ADCY2: variants seen among roughly 807,000 people sequenced by gnomAD.
ADCY2 encodes the protein adenylate cyclase type 2.
Under a neutral mutation model 125.2 loss-of-function variants are expected in ADCY2, and 31 were observed. The ratio of observed to expected loss-of-function variants is 0.25; its 90% CI spans 0.19 to 0.33. The LOEUF (loss-of-function observed/expected upper bound fraction) is 0.33. ADCY2 is among the 10% of genes least tolerant of loss of function. ADCY2 has a pLI of 1.00. For synonymous variants in ADCY2, 512 were observed against 548.4 expected (o/e 0.93, Z 0.93); for missense variants, 904 against 1,418.2 (o/e 0.64, Z 5.82).
chr5:7,673,269 A>AAATATATAT (rs1554030659), intron 4 of ADCY2, among the ~76,000 whole-genome samples: 1 of 3,932 alleles, frequency 2.5e-4, no homozygotes, highest in African/African-American at 6.4e-4. Flanking sequence ...AAAAAAAAAA[A>AAATATATAT]ATATATATAT....
intron 2 of ADCY2, among the ~76,000 whole-genome samples, chr5:7,518,410 G>A (rs752094528): frequency 3.3e-5 from 5 of 152,080 alleles, no homozygotes; most frequent in Non-Finnish European, 7.3e-5. Flanking sequence ...ATACATAAAC[G>A]GTCTAAGACA....
intron 2 of ADCY2, among the ~76,000 whole-genome samples, chr5:7,479,634 T>A (rs200089775): frequency 0.096 from 2,879 of 30,092 alleles, 96 homozygotes; most frequent in African/African-American, 0.31. Flanking sequence ...ACAATTAAAA[T>A]TTTTTTTTTT....
intron 22 of ADCY2, among the ~76,000 whole-genome samples, chr5:7,812,035 T>A (rs1744960326): frequency 6.6e-6 from 1 of 151,954 alleles, no homozygotes; most frequent in Non-Finnish European, 1.5e-5. Context: ...CTGTGTGAGG[T>A]GGGCACAGAG....
At chr5:7,416,294 T>C (rs1170925856) in intron 2 of ADCY2, among the ~76,000 whole-genome samples, 1 of 152,152 alleles carries the variant, frequency 6.6e-6, no homozygotes. Context: ...GAGGACACTG[T>C]CATAGTGGAC....
chr5:7,814,414 C>G (rs1745041260), intron 22 of ADCY2, among the ~76,000 whole-genome samples: 1 of 152,044 alleles, frequency 6.6e-6, no homozygotes. Context: ...AAGGATGCCC[C>G]TGCCGTCCAG....
At chr5:7,775,794 A>G (rs369147845) in intron 18 of ADCY2, among the ~76,000 whole-genome samples, 1 of 152,206 alleles carries the variant, frequency 6.6e-6, no homozygotes, top group Non-Finnish European at 1.5e-5. Flanking sequence ...CCTAATTTTC[A>G]TCAGAAGTTC....
At chr5:7,727,057 CA>C (rs1199893372) in intron 13 of ADCY2, 106 bp from the exon 14 acceptor site, 4 of 789,528 alleles carry the variant, frequency 5.1e-6, no homozygotes, top group Admixed American at 5.3e-5. Context: ...GCAATCTGCA[CA>C]ATTTCTGAGT....
intron 12 of ADCY2, among the ~76,000 whole-genome samples, chr5:7,722,127 G>A (rs1050187236): frequency 8.5e-5 from 13 of 152,186 alleles, no homozygotes; most frequent in Non-Finnish European, 2.9e-5. Context: ...GGAGGCAAGT[G>A]TGTCCACTGG....
intron 4 of ADCY2, among the ~76,000 whole-genome samples, chr5:7,681,240 A>G (rs1000385212): frequency 1.3e-5 from 2 of 152,174 alleles, no homozygotes; most frequent in African/African-American, 4.8e-5. Flanking sequence ...TTCACTTATT[A>G]TTCTTTCCTG....
intron 3 of ADCY2, chr5:7,611,029 T>C (rs544968455): frequency 1.3e-5 from 2 of 152,334 alleles, no homozygotes; most frequent in South Asian, 4.1e-4. Context: ...GTGTGAAAAC[T>C]ATTCCTTGTA....
At chr5:7,520,249 T>G (rs1355342591) in intron 2 of ADCY2, among the ~76,000 whole-genome samples, 1 of 152,138 alleles carries the variant, frequency 6.6e-6, no homozygotes, top group Non-Finnish European at 1.5e-5. Flanking sequence ...CCACAGGCTG[T>G]TTTATTTTGT....
intron 2 of ADCY2, among the ~76,000 whole-genome samples, chr5:7,420,208 C>T (rs1740140397): frequency 6.6e-6 from 1 of 152,118 alleles, no homozygotes; most frequent in African/African-American, 2.4e-5. Context: ...TTATGCAGCC[C>T]AGTTCCGAGC....
rs57224712 is a variant in ADCY2 at position 7,792,217 on chromosome 5, CAAAAAAAAAAAAAA to C, written c.2628+2432_2628+2445del. Among the ~76,000 whole-genome samples the C allele has an allele frequency of 6.9e-3, 682 of 99,478 alleles. 9 individuals are homozygous for C. The highest frequency in any genetic ancestry group is 0.028 in the African/African-American group (662 of 23,246). The allele number at this position is 99,478 out of a possible 152,430, so 65.3% of individuals were successfully genotyped here. A position where few individuals can be genotyped will look rare whatever the true frequency, so the allele number is the denominator to read the frequency against. On this transcript the variant is annotated intron_variant, in intron 20 of 24. Coordinates refer to ENST00000338316, the MANE Select transcript of ADCY2 (RefSeq NM_020546.3). ...AGAAACCCCGTCTCTACTAAAAATA[CAAAAAAAAAAAAAA>C]AAAAAAAAAAAAAATTAGCTGGGCA...
chr5:7,470,440 T>C (rs990828009), intron 2 of ADCY2, among the ~76,000 whole-genome samples: 1 of 150,904 alleles, frequency 6.6e-6, no homozygotes, highest in African/African-American at 2.4e-5. Flanking sequence ...TCATGGATTG[T>C]AGTGAAAGCA....
At chr5:7,633,481 A>T (rs1431768579) in intron 4 of ADCY2, among the ~76,000 whole-genome samples, 1 of 152,150 alleles carries the variant, frequency 6.6e-6, no homozygotes. Context: ...TTTAAAGGAA[A>T]AAATAAAAAT....
intron 10 of ADCY2, among the ~76,000 whole-genome samples, chr5:7,711,703 T>C (rs1741444608): frequency 6.6e-6 from 1 of 152,210 alleles, no homozygotes; most frequent in Admixed American, 6.5e-5. Flanking sequence ...GCCAGAACTG[T>C]TGAGTGCCTC....
intron 3 of ADCY2, among the ~76,000 whole-genome samples, chr5:7,581,927 C>A (rs1736450948): frequency 6.6e-6 from 1 of 151,822 alleles, no homozygotes; most frequent in Non-Finnish European, 1.5e-5. Flanking sequence ...CTAAATCTAA[C>A]CATGTGAATA....
chr5:7,403,737 T>A (rs990282841), intron 1 of ADCY2, among the ~76,000 whole-genome samples: 2 of 152,134 alleles, frequency 1.3e-5, no homozygotes, highest in African/African-American at 2.4e-5. Flanking sequence ...ACATAAATTA[T>A]ATATATGTGT....
At chr5:7,769,924 G>A (rs983036047) in intron 17 of ADCY2, among the ~76,000 whole-genome samples, 47 of 152,284 alleles carry the variant, frequency 3.1e-4, no homozygotes, top group African/African-American at 1.1e-3. Context: ...AATAGAAGTC[G>A]GTTCAGTATC....
Sources: allele counts gnomAD v4.1 joint callset (sites outside exome capture counted in the v4.1 genomes callset), GRCh38; gene constraint gnomAD v4.1.1; transcripts MANE v1.5; gene names NCBI Gene and HGNC (gene_info 2026-07-23, HGNC 2026-07-21).